TTL: variants seen among roughly 807,000 people sequenced by gnomAD.
TTL encodes the protein tubulin--tyrosine ligase.
Under a neutral mutation model 41.1 loss-of-function variants are expected in TTL, and 10 were observed. That is an observed-to-expected ratio of 0.24 (90% confidence interval 0.15 to 0.41). The LOEUF is 0.41. Ranked by LOEUF, TTL falls within the 10% of genes least tolerant of loss-of-function variation. The pLI is 1.00. For synonymous variants in TTL, 175 were observed against 175.5 expected (o/e 1.00, Z 0.02); for missense variants, 367 against 460.4 (o/e 0.80, Z 1.86).
chr2:112,528,322 A>G (rs959716147), intron 6 of TTL, among the ~76,000 whole-genome samples: 11 of 152,218 alleles, frequency 7.2e-5, no homozygotes, highest in Non-Finnish European at 1.5e-4. Flanking sequence ...AAAAACTGCC[A>G]GGCACGGTGG....
chr2:112,526,086 G>A (rs1459665015), intron 6 of TTL, among the ~76,000 whole-genome samples: 41 of 152,252 alleles, frequency 2.7e-4, no homozygotes, highest in Non-Finnish European at 4.1e-4. Context: ...GATGGATTAC[G>A]TTTATTGATT....
chr2:112,520,467 G>C (rs781672760), intron 6 of TTL, 42 bp downstream of exon 6: 6 of 1,606,062 alleles, frequency 3.7e-6, no homozygotes, highest in Non-Finnish European at 5.1e-6. Context: ...TGGGAAGTTG[G>C]TTCTGCAGTT....
intron 5 of TTL, among the ~76,000 whole-genome samples, chr2:112,515,221 G>A (rs1192165699): frequency 6.6e-6 from 1 of 152,130 alleles, no homozygotes; most frequent in Non-Finnish European, 1.5e-5. Flanking sequence ...TATGCCCTGT[G>A]TATGGGCTGC....
chr2:112,486,254 A>C (rs1681236505), intron 2 of TTL, among the ~76,000 whole-genome samples: 1 of 152,170 alleles, frequency 6.6e-6, no homozygotes. Flanking sequence ...AGGATTCTTA[A>C]GAGACAGCCA....
Position 112,529,081 on chromosome 2 carries a change from G to A in TTL, c.*286G>A, listed in dbSNP as rs965641792. ...AGCTCCTTCCCCTCTCCCCGGGAAC[G>A]GCAGGGCACTGGGACCTCTGGTCGG... On this transcript the variant is annotated 3_prime_UTR_variant, in exon 7 of 7. Transcript: ENST00000233336. The A allele has an allele frequency of 1.7e-5, 8 of 477,354 alleles. No homozygotes were observed. The highest frequency in any genetic ancestry group is 5.7e-4 in the Middle Eastern group (1 of 1,742). 29.6% of individuals were successfully genotyped at this position (477,354 alleles called of 1,614,324 possible). A position where few individuals can be genotyped will look rare whatever the true frequency, so the allele number is the denominator to read the frequency against.
chr2:112,515,147 A>G (rs2104468480), intron 5 of TTL, among the ~76,000 whole-genome samples: 1 of 152,324 alleles, frequency 6.6e-6, no homozygotes, highest in South Asian at 2.1e-4. Flanking sequence ...GATAATGGCA[A>G]TTCTTTAACA....
intron 5 of TTL, among the ~76,000 whole-genome samples, chr2:112,513,717 A>G (rs1681991774): frequency 6.6e-6 from 1 of 151,920 alleles, no homozygotes; most frequent in African/African-American, 2.4e-5. Flanking sequence ...TAGAAGATGC[A>G]TACAAATTTA....
chr2:112,521,912 G>A (rs1559019952), intron 6 of TTL, among the ~76,000 whole-genome samples: 1 of 152,162 alleles, frequency 6.6e-6, no homozygotes, highest in Non-Finnish European at 1.5e-5. Context: ...CAAGTTAGAT[G>A]GGCTAAGGGC....
At chr2:112,525,057 T>C (rs1682336526) in intron 6 of TTL, among the ~76,000 whole-genome samples, 2 of 152,162 alleles carry the variant, frequency 1.3e-5, no homozygotes, top group Admixed American at 1.3e-4. Flanking sequence ...AATCCTTTCC[T>C]CATTTCTTGT....
chr2:112,491,205 A>G (rs1162500373), intron 2 of TTL, among the ~76,000 whole-genome samples: 2 of 151,912 alleles, frequency 1.3e-5, no homozygotes, highest in African/African-American at 2.4e-5. Context: ...GTTAGCCAGG[A>G]TGGTCTTGAT....
Position 112,494,134 on chromosome 2 carries a change from A to T in TTL, c.237-9A>T, listed in dbSNP as rs114392806. On this transcript the variant is annotated splice_polypyrimidine_tract_variant and intron_variant, in intron 2 of 6. Transcript: ENST00000233336. The stretch of plus-strand genomic sequence containing the variant: ...GAAGGGAGGCTGATCCTCTTCTGTC[A>T]TCTGCCAGGCTAATCAAGACAAGCC... 1.3e-3 allele frequency: 2,107 copies of T among 1,611,504 alleles called. 16 individuals are homozygous for T. The African/African-American group carries it at 0.018, about 14-fold the overall frequency.
chr2:112,521,195 GCT>G (rs1363859912), intron 6 of TTL: 1 of 985,218 alleles, frequency 1.0e-6, no homozygotes, highest in African/African-American at 1.7e-5. Flanking sequence ...CGTCCTGTGG[GCT>G]CTCACCCTGT....
chr2:112,503,678 T>TTA (rs1171486034), intron 5 of TTL, among the ~76,000 whole-genome samples: 10 of 140,488 alleles, frequency 7.1e-5, no homozygotes, highest in Non-Finnish European at 1.1e-4. Context: ...TTTTTTTTTT[T>TTA]AATCAATAGT....
rs935893981 is a variant in TTL, at chr2:112,528,957, A to C, written c.*162A>C. The C allele has an allele frequency of 1.6e-6, 1 of 643,688 alleles. No individual in the cohort carries two copies. Among genetic ancestry groups the C allele is most frequent in the African/African-American group, 1.8e-5 (1 of 54,760 alleles). The allele number at this position is 643,688 out of a possible 1,614,324, so 39.9% of individuals were successfully genotyped here. A position where few individuals can be genotyped will look rare whatever the true frequency, so the allele number is the denominator to read the frequency against. ...CGTGAGCAGAGGAGGCAGCTCCCAA[A>C]GAGAGGGCTGCTCAGGGGGCTTCCC... On this transcript the variant is annotated 3_prime_UTR_variant, in exon 7 of 7. Coordinates refer to ENST00000233336, the MANE Select transcript of TTL (RefSeq NM_153712.5).
At chr2:112,491,256 G>T (rs1338476219) in intron 2 of TTL, among the ~76,000 whole-genome samples, 1 of 152,160 alleles carries the variant, frequency 6.6e-6, no homozygotes, top group East Asian at 1.9e-4. Context: ...CTCCCAAAGT[G>T]CTGAGATTAT....
Position 112,539,353 on chromosome 2 carries a change from G to A in TTL, c.*10558G>A, listed in dbSNP as rs1419200393. On this transcript the variant is annotated 3_prime_UTR_variant, in exon 7 of 7. Coordinates refer to ENST00000233336, the MANE Select transcript of TTL (RefSeq NM_153712.5). ...GAGAAGGGGAAAAGAAAGAATGCAA[G>A]GTTTTTTTAACATACAAAATTTACT... 6.6e-6 allele frequency: 1 copy of A among 151,072 alleles called. No individual in the cohort carries two copies. Among genetic ancestry groups the A allele is most frequent in the Non-Finnish European group, 1.5e-5 (1 of 67,900 alleles). 9.4% of individuals were successfully genotyped at this position (151,072 alleles called of 1,614,324 possible).
At chr2:112,494,415 G>A (rs1681472256) in intron 3 of TTL, 40 bp downstream of exon 3, 1 of 1,504,564 alleles carries the variant, frequency 6.6e-7, no homozygotes, top group East Asian at 2.3e-5. Context: ...TTCCTGGTAA[G>A]TTGCTATTGT....
At chr2:112,512,152 C>T (rs1039438195) in intron 5 of TTL, among the ~76,000 whole-genome samples, 4 of 151,952 alleles carry the variant, frequency 2.6e-5, no homozygotes, top group African/African-American at 4.8e-5. Flanking sequence ...AGTGCAGTGG[C>T]GCGATCATGG....
At chr2:112,500,889 CCA>C (rs1414743784) in intron 3 of TTL, among the ~76,000 whole-genome samples, 5 of 146,988 alleles carry the variant, frequency 3.4e-5, no homozygotes, top group Non-Finnish European at 6.0e-5. Flanking sequence ...ATTGTGGTAG[CCA>C]GTGACTAGTA....
Sources: allele counts gnomAD v4.1 joint callset (sites outside exome capture counted in the v4.1 genomes callset), GRCh38; gene constraint gnomAD v4.1.1; transcripts MANE v1.5; gene names NCBI Gene and HGNC (gene_info 2026-07-23, HGNC 2026-07-21).